KLRF1: variants seen among roughly 807,000 people sequenced by gnomAD.
The protein encoded by KLRF1 is killer cell lectin like receptor F1.
KLRF1 carries 27 observed loss-of-function variants against 30.7 expected under a neutral mutation model. The ratio of observed to expected loss-of-function variants is 0.88; its 90% CI spans 0.65 to 1.21. The LOEUF is 1.21. Ranked by LOEUF, KLRF1 falls within the 50% of genes most tolerant of loss-of-function variation. The probability of loss-of-function intolerance (pLI) is 0.00; values close to 1 mark genes in which losing one functional copy is unlikely to be tolerated. For missense variants in KLRF1, 246 were observed against 259.3 expected (o/e 0.95, Z 0.35); for synonymous variants, 92 against 89.3 (o/e 1.03, Z -0.17).
At chr12:9,835,599 T>A (rs1867558273) in intron 3 of KLRF1, among the ~76,000 whole-genome samples, 1 of 152,016 alleles carries the variant, frequency 6.6e-6, no homozygotes, top group Non-Finnish European at 1.5e-5. Context: ...TGCTAATATT[T>A]TTAAGTTTGC....
intron 3 of KLRF1, among the ~76,000 whole-genome samples, chr12:9,833,824 A>C (rs1432784127): frequency 6.6e-6 from 1 of 152,014 alleles, no homozygotes; most frequent in Admixed American, 6.6e-5. Context: ...TTATGATTTT[A>C]AGCTTAGACT....
the KLRF1 span, among the ~76,000 whole-genome samples, chr12:9,821,904 T>C: frequency 3.3e-5 from 5 of 152,192 alleles, no homozygotes; most frequent in Non-Finnish European, 5.9e-5. Flanking sequence ...ACCAAACTAC[T>C]TCACTAACAT....
chr12:9,844,870 T>C lies in KLRF1; in HGVS notation c.*344T>C, dbSNP rs1263561263. ...TCTTAATAAGGTCCTAAACAAAATTTCTTATATTTCTAATGGTTGAATTAT... is the reference window on the plus strand; with the variant it reads ...TCTTAATAAGGTCCTAAACAAAATTCCTTATATTTCTAATGGTTGAATTAT... On this transcript the variant is annotated 3_prime_UTR_variant, in exon 6 of 6. Transcript: ENST00000617889. 1 of 155,034 alleles carries C rather than the reference T, an allele frequency of 6.5e-6. No individual in the cohort carries two copies. The highest frequency in any genetic ancestry group is 6.5e-5 in the Admixed American group (1 of 15,442). The allele number at this position is 155,034 out of a possible 1,614,324, so 9.6% of individuals were successfully genotyped here.
the KLRF1 span, among the ~76,000 whole-genome samples, chr12:9,816,543 ACTT>A: frequency 1.4e-5 from 2 of 147,028 alleles, no homozygotes; most frequent in African/African-American, 2.5e-5. Context: ...GGGGCAAGTA[ACTT>A]CTTTTTTTTT....
At position 9,844,598 on chromosome 12, in the gene KLRF1, C is replaced by G. The variant is rs1253126299; in HGVS notation, c.*72C>G. On this transcript the variant is annotated 3_prime_UTR_variant, in exon 6 of 6. Transcript: ENST00000617889. The stretch of plus-strand genomic sequence containing the variant: ...GCCTATTAGTTTCTAATATTAATCT[C>G]CAGGTGTAAGATTTTAAAGTGCAAT... 1 of 790,726 alleles carries G rather than the reference C, an allele frequency of 1.3e-6. No homozygotes were observed. Among genetic ancestry groups the G allele is most frequent in the African/African-American group, 1.7e-5 (1 of 57,310 alleles). 49.0% of individuals were successfully genotyped at this position (790,726 alleles called of 1,614,324 possible).
At chr12:9,843,861 A>G (rs1260981464) in intron 5 of KLRF1, among the ~76,000 whole-genome samples, 1 of 152,152 alleles carries the variant, frequency 6.6e-6, no homozygotes. Context: ...GGTCAAACAA[A>G]TTTATCAGAA....
chr12:9,807,686 C>T, the KLRF1 span, among the ~76,000 whole-genome samples: 2 of 152,052 alleles, frequency 1.3e-5, no homozygotes, highest in Non-Finnish European at 2.9e-5. Flanking sequence ...CATTTGCTTT[C>T]ACTCTTAAGA....
upstream of KLRF1, among the ~76,000 whole-genome samples, chr12:9,823,063 A>G (rs1867244981): frequency 6.6e-6 from 1 of 152,162 alleles, no homozygotes; most frequent in African/African-American, 2.4e-5. Flanking sequence ...AAATTAACAA[A>G]GATATTCAGA....
At chr12:9,837,756 G>A (rs955646936) in intron 3 of KLRF1, among the ~76,000 whole-genome samples, 1 of 152,104 alleles carries the variant, frequency 6.6e-6, no homozygotes, top group South Asian at 2.1e-4. Flanking sequence ...TTCTTTACTG[G>A]CAGTGATATC....
At chr12:9,815,107 A>G in the KLRF1 span, among the ~76,000 whole-genome samples, 1 of 152,218 alleles carries the variant, frequency 6.6e-6, no homozygotes, top group Non-Finnish European at 1.5e-5. Context: ...CCTTAGAGAT[A>G]CATGAAAATA....
In KLRF1 at chr12:9,839,352, G is replaced by C. The variant is rs567884978; in HGVS notation, c.335-2460G>C. The stretch of plus-strand genomic sequence containing the variant: ...CCTAATACCATCATATTGGGAGGCA[G>C]GATTTCAGCATATGTATTTTGGGGT... On this transcript the variant is annotated intron_variant, in intron 3 of 5. Transcript: ENST00000617889. 5.9e-5 allele frequency among the ~76,000 whole-genome samples: 9 copies of C among 152,112 alleles called. No homozygotes were observed. In the South Asian group the frequency reaches 1.9e-3, roughly 32 times the overall value.
the KLRF1 span, among the ~76,000 whole-genome samples, chr12:9,816,975 C>T: frequency 5.9e-5 from 9 of 151,992 alleles, no homozygotes; most frequent in East Asian, 3.9e-4. Flanking sequence ...CCTCGTGATC[C>T]GCCCGCCTCA....
chr12:9,800,955 C>T, the KLRF1 span, among the ~76,000 whole-genome samples: 1 of 151,904 alleles, frequency 6.6e-6, no homozygotes, highest in Non-Finnish European at 1.5e-5. Context: ...AGGTTTTAAG[C>T]CCCACATGCA....
chr12:9,810,915 AGTTGGAG>A, the KLRF1 span, among the ~76,000 whole-genome samples: 1 of 152,102 alleles, frequency 6.6e-6, no homozygotes, highest in African/African-American at 2.4e-5. Context: ...GTCCTCTGGG[AGTTGGAG>A]GTTGCAGAGG....
At chr12:9,809,107 TGA>T in the KLRF1 span, among the ~76,000 whole-genome samples, 1 of 152,120 alleles carries the variant, frequency 6.6e-6, no homozygotes, top group African/African-American at 2.4e-5. Context: ...CGGAGAAAAT[TGA>T]GAGTTTAGCG....
intron 3 of KLRF1, among the ~76,000 whole-genome samples, chr12:9,835,140 G>T (rs1174249954): frequency 6.6e-6 from 1 of 152,092 alleles, no homozygotes; most frequent in Non-Finnish European, 1.5e-5. Flanking sequence ...GGGGAACAGG[G>T]AGCTCTTCGG....
At chr12:9,842,219 G>A in intron 4 of KLRF1, 102 bp from the exon 5 acceptor site, 6 of 1,203,800 alleles carry the variant, frequency 5.0e-6, no homozygotes, top group Non-Finnish European at 7.0e-6. Context: ...ATTACCATAA[G>A]AATCCCTATG....
the KLRF1 span, among the ~76,000 whole-genome samples, chr12:9,821,029 A>G: frequency 6.6e-6 from 1 of 152,082 alleles, no homozygotes; most frequent in Non-Finnish European, 1.5e-5. Flanking sequence ...TTCCAGAGGC[A>G]TCCAACAGCT....
At chr12:9,822,152 G>T in the KLRF1 span, among the ~76,000 whole-genome samples, 1 of 152,208 alleles carries the variant, frequency 6.6e-6, no homozygotes, top group African/African-American at 2.4e-5. Flanking sequence ...TCCAACAAGG[G>T]TTTTAAACCA....
Sources: allele counts gnomAD v4.1 joint callset (sites outside exome capture counted in the v4.1 genomes callset), GRCh38; gene constraint gnomAD v4.1.1; transcripts MANE v1.5; gene names NCBI Gene and HGNC (gene_info 2026-07-23, HGNC 2026-07-21).